The following INTS4 variants were observed in gnomAD, a reference collection of about 807,000 sequenced individuals.
The protein encoded by INTS4 is integrator complex subunit 4.
Under a neutral mutation model 119.5 loss-of-function variants are expected in INTS4, and 70 were observed. The observed-to-expected ratio is 0.59, with a 90% CI of 0.48 to 0.71. INTS4 has a LOEUF of 0.71. INTS4 is among the 30% of genes least tolerant of loss of function. The probability of loss-of-function intolerance (pLI) is 0.00; values close to 1 mark genes in which losing one functional copy is unlikely to be tolerated. For missense variants in INTS4, 867 were observed against 1,173.2 expected, an observed-to-expected ratio of 0.74 and a Z score of 3.81; for synonymous variants, 316 against 419.6, an observed-to-expected ratio of 0.75 and a Z score of 3.02.
At chr11:77,952,598 G>C (rs1486841183) in intron 8 of INTS4, among the ~76,000 whole-genome samples, 2 of 152,026 alleles carry the variant, frequency 1.3e-5, no homozygotes, top group East Asian at 1.9e-4. Flanking sequence ...TTATCAGCAA[G>C]ATAAGAATGA....
In INTS4 at chr11:77,912,775, C is replaced by T. The variant is rs192499316; in HGVS notation, c.1923-4965G>A. On this transcript the variant is annotated intron_variant, in intron 15 of 22. Coordinates refer to ENST00000534064, the MANE Select transcript of INTS4 (RefSeq NM_033547.4). ...CACCTAGATGATGACAGATTACAAACGTGTATTTCTACTCTTTAATTACGA... is the reference window on the plus strand; with the variant it reads ...CACCTAGATGATGACAGATTACAAATGTGTATTTCTACTCTTTAATTACGA... Among the ~76,000 whole-genome samples, 657 of 152,214 alleles carry T rather than the reference C, an allele frequency of 4.3e-3. 3 individuals are homozygous for T. The highest frequency in any genetic ancestry group is 0.015 in the African/African-American group (622 of 41,528).
intron 8 of INTS4, among the ~76,000 whole-genome samples, chr11:77,946,153 T>C (rs1301366660): frequency 2.0e-5 from 3 of 152,200 alleles, no homozygotes; most frequent in African/African-American, 7.2e-5. Context: ...ATCTACAGCA[T>C]TGCCATCACA....
chr11:77,990,215 C>CA (rs59474739), intron 2 of INTS4, among the ~76,000 whole-genome samples: 1,531 of 96,102 alleles, frequency 0.016, 44 homozygotes, highest in Middle Eastern at 0.067. Flanking sequence ...GACCAAGTCT[C>CA]AAAAAAAAAA....
At chr11:77,917,641 A>G (rs1322441897) in intron 15 of INTS4, among the ~76,000 whole-genome samples, 2 of 150,044 alleles carry the variant, frequency 1.3e-5, no homozygotes, top group Non-Finnish European at 3.0e-5. Flanking sequence ...AAGAGCAAAC[A>G]ATAAAGAATT....
chr11:77,891,236 G>T (rs1952247719), intron 21 of INTS4, 83 bp downstream of exon 21: 3 of 1,339,142 alleles, frequency 2.2e-6, no homozygotes, highest in Non-Finnish European at 3.1e-6. Context: ...TGTCCCTCAA[G>T]TAGAGACTAC....
At chr11:77,973,641 T>C (rs1855822258) in intron 4 of INTS4, among the ~76,000 whole-genome samples, 1 of 152,180 alleles carries the variant, frequency 6.6e-6, no homozygotes, top group Admixed American at 6.5e-5. Flanking sequence ...TATTACAAGA[T>C]ATTTTATGTG....
intron 1 of INTS4, among the ~76,000 whole-genome samples, chr11:77,991,971 T>C (rs976605239): frequency 1.3e-5 from 2 of 152,206 alleles, no homozygotes; most frequent in Admixed American, 6.5e-5. Flanking sequence ...ATTACAGGTG[T>C]GTGCCACCAC....
Position 77,928,437 on chromosome 11 carries a change from C to T in INTS4, c.1276G>A (p.Glu426Lys), listed in dbSNP as rs759583010. 11 of 1,612,386 alleles carry T rather than the reference C, an allele frequency of 6.8e-6. No individual in the cohort carries two copies. The highest frequency in any genetic ancestry group is 1.1e-5 in the South Asian group (1 of 90,914). Residue 426 changes from glutamate to lysine, a missense_variant, in exon 11 of 23, where the codon GAA (glutamate) becomes AAA (lysine). Glu to Lys is a moderately conservative substitution (Grantham distance 56). Coordinates refer to ENST00000534064, the MANE Select transcript of INTS4 (RefSeq NM_033547.4). ...GTATGTATAGACTGCAGACGTACTT[C>T]CTCAATTTCATCGTTGAACATGTCA... ...LVDMFNDEIE[E>K]VRLQSIHTMR...
chr11:77,979,992 AAAG>A (rs1181017575), intron 3 of INTS4, among the ~76,000 whole-genome samples: 7 of 118,300 alleles, frequency 5.9e-5, no homozygotes, highest in South Asian at 2.4e-4. Context: ...AAAAAAAAAA[AAAG>A]AAGAAACAGA....
chr11:77,953,587 A>ATTT (rs71046929), intron 8 of INTS4, among the ~76,000 whole-genome samples: 2 of 147,686 alleles, frequency 1.4e-5, no homozygotes, highest in East Asian at 2.0e-4. Flanking sequence ...AAGTTAAACA[A>ATTT]TTTTTTTTTT....
Position 77,976,259 on chromosome 11 carries a change from G to A in INTS4, c.471+2737C>T, listed in dbSNP as rs534677066. ...ATACTGCTTGTGGGCATATAAACTG[G>A]AACACTTTGGAAAGCAATTTGACAA... On this transcript the variant is annotated intron_variant, in intron 4 of 22. Transcript: ENST00000534064. Among the ~76,000 whole-genome samples the A allele has an allele frequency of 5.3e-5, 8 of 152,218 alleles. No homozygotes were observed. The South Asian group carries it at 1.0e-3, about 20-fold the overall frequency.
chr11:77,966,593 A>T (rs1855510931), intron 4 of INTS4, among the ~76,000 whole-genome samples: 1 of 152,202 alleles, frequency 6.6e-6, no homozygotes, highest in Non-Finnish European at 1.5e-5. Context: ...GTCAAAAATC[A>T]GCTGACCATA....
rs192841805 is a variant in INTS4, at chr11:77,889,472, A to G, written c.2592+1847T>C. Among the ~76,000 whole-genome samples the G allele has an allele frequency of 4.3e-3, 661 of 152,226 alleles. 4 individuals are homozygous for G. Among genetic ancestry groups the G allele is most frequent in the African/African-American group, 0.015 (626 of 41,514 alleles). On this transcript the variant is annotated intron_variant, in intron 21 of 22. Transcript: ENST00000534064. ...GATGACGAGTTAATGGGTGCAGCAC[A>G]CCAGCATGGCACATGTATACAGATG...
chr11:77,952,486 G>A (rs1481233262), intron 8 of INTS4, among the ~76,000 whole-genome samples: 1 of 152,168 alleles, frequency 6.6e-6, no homozygotes, highest in African/African-American at 2.4e-5. Context: ...AAAGAAGTGG[G>A]TTAATAGTTA....
chr11:77,876,650 A>C (rs1485320691), downstream of INTS4, among the ~76,000 whole-genome samples: 1 of 152,130 alleles, frequency 6.6e-6, no homozygotes, highest in Non-Finnish European at 1.5e-5. Context: ...CACAGCTTTT[A>C]AAAATGTATT....
chr11:77,896,129 G>T (rs369204427), intron 18 of INTS4, among the ~76,000 whole-genome samples: 1 of 152,012 alleles, frequency 6.6e-6, no homozygotes, highest in African/African-American at 2.4e-5. Flanking sequence ...CAACAACCTC[G>T]GTGAGAGTTA....
intron 8 of INTS4, among the ~76,000 whole-genome samples, chr11:77,947,008 A>G (rs1335395652): frequency 6.6e-6 from 1 of 151,114 alleles, no homozygotes; most frequent in Non-Finnish European, 1.5e-5. Flanking sequence ...TGAAAAAAAT[A>G]AAAATAGTAT....
At chr11:77,885,163 C>T (rs933218985) in intron 21 of INTS4, among the ~76,000 whole-genome samples, 7 of 151,854 alleles carry the variant, frequency 4.6e-5, no homozygotes, top group African/African-American at 1.7e-4. Context: ...CTGCAACCTC[C>T]GCCTCCCGGG....
chr11:77,957,015 G>A (rs1318559626), intron 7 of INTS4, among the ~76,000 whole-genome samples: 1 of 151,998 alleles, frequency 6.6e-6, no homozygotes, highest in Non-Finnish European at 1.5e-5. Context: ...GCTCACCACA[G>A]TGTCAACTTC....
Sources: gnomAD v4.1 joint callset for allele counts (sites outside exome capture counted in the v4.1 genomes callset) on GRCh38, gnomAD v4.1.1 for gene constraint, MANE v1.5 for transcripts, NCBI Gene and HGNC (gene_info 2026-07-23, HGNC 2026-07-21) for gene names.